The following ENOX1 variants were observed in gnomAD, a reference collection of about 807,000 sequenced individuals.
ENOX1 encodes the protein candidate growth-related and time keeping constitutive hydroquinone (NADH) oxidase.
ENOX1 carries 42 observed loss-of-function variants against 82.5 expected under a neutral mutation model. That is an observed-to-expected ratio of 0.51 (90% CI 0.40 to 0.66). The LOEUF is 0.66. Among genes scored for constraint, ENOX1 ranks in the 30% least tolerant of loss-of-function variants. The pLI, the probability that ENOX1 is intolerant of heterozygous loss-of-function variation, is 0.00. For missense variants in ENOX1, 608 were observed against 811.6 expected (o/e 0.75, Z 3.05); for synonymous variants, 271 against 282.2 (o/e 0.96, Z 0.40).
intron 1 of ENOX1, among the ~76,000 whole-genome samples, chr13:43,715,243 C>T (rs1349615701): frequency 6.6e-6 from 1 of 152,246 alleles, no homozygotes; most frequent in African/African-American, 2.4e-5. Context: ...TTGGCCCCCA[C>T]TGTCTTCTGG....
At chr13:43,249,688 G>A (rs1198415670) in intron 14 of ENOX1, among the ~76,000 whole-genome samples, 1 of 151,994 alleles carries the variant, frequency 6.6e-6, no homozygotes. Context: ...AGGGTTTTTT[G>A]ACCTTTCTAG....
chr13:43,744,245 T>C (rs1949906516), intron 1 of ENOX1, among the ~76,000 whole-genome samples: 1 of 152,138 alleles, frequency 6.6e-6, no homozygotes, highest in African/African-American at 2.4e-5. Context: ...TTTCTCATAC[T>C]TTTCAGGGCT....
chr13:43,699,302 T>A (rs1482219454), intron 1 of ENOX1, among the ~76,000 whole-genome samples: 1 of 152,176 alleles, frequency 6.6e-6, no homozygotes. Context: ...GGAGTCTGAT[T>A]TGGTGCTCTA....
intron 1 of ENOX1, among the ~76,000 whole-genome samples, chr13:43,672,942 CA>C (rs1226320840): frequency 6.6e-6 from 1 of 151,928 alleles, no homozygotes; most frequent in Non-Finnish European, 1.5e-5. Context: ...AAAGTAGGGA[CA>C]AAAAAGTCTC....
At chr13:43,367,865 TAC>T in intron 5 of ENOX1, among the ~76,000 whole-genome samples, 1 of 152,196 alleles carries the variant, frequency 6.6e-6, no homozygotes, top group East Asian at 1.9e-4. Flanking sequence ...ATCCCCAAAA[TAC>T]ACTTATTGGG....
intron 15 of ENOX1, among the ~76,000 whole-genome samples, chr13:43,232,397 T>C (rs1432540124): frequency 6.6e-6 from 1 of 152,240 alleles, no homozygotes; most frequent in African/African-American, 2.4e-5. Context: ...TCATTCTTTA[T>C]GGTCAGTAGT....
At chr13:43,309,836 T>TG (rs200545850) in intron 11 of ENOX1, among the ~76,000 whole-genome samples, 1,885 of 15,654 alleles carry the variant, frequency 0.12, 29 homozygotes, top group Admixed American at 0.18. Context: ...CTTTGTTCAT[T>TG]AAAATTTGTT....
intron 1 of ENOX1, among the ~76,000 whole-genome samples, chr13:43,774,164 T>C (rs1304073647): frequency 6.6e-6 from 1 of 152,178 alleles, no homozygotes; most frequent in African/African-American, 2.4e-5. Flanking sequence ...AAACTCTCTC[T>C]TCATGCCACA....
intron 2 of ENOX1, among the ~76,000 whole-genome samples, chr13:43,617,046 A>G (rs991294982): frequency 7.2e-5 from 11 of 152,202 alleles, no homozygotes; most frequent in Non-Finnish European, 1.5e-4. Context: ...TGAGAGTTAC[A>G]TGTGAGTGTA....
Position 43,392,216 on chromosome 13 carries a change from T to A in ENOX1, c.208+19700A>T, listed in dbSNP as rs1375280194. ...CATTGTATTATTTCCTTTATAGTAATCATTACCATTTCTAATGATACGTTC... is the reference window on the plus strand; with the variant it reads ...CATTGTATTATTTCCTTTATAGTAAACATTACCATTTCTAATGATACGTTC... On this transcript the variant is annotated intron_variant, in intron 5 of 16. Coordinates refer to ENST00000690772, the MANE Select transcript of ENOX1 (RefSeq NM_001347969.2). Among the ~76,000 whole-genome samples the A allele has an allele frequency of 3.9e-5, 6 of 152,378 alleles. No individual in the cohort carries two copies. In the South Asian group the frequency reaches 1.2e-3, roughly 32 times the overall value.
intron 12 of ENOX1, among the ~76,000 whole-genome samples, chr13:43,280,181 A>G (rs1320875266): frequency 6.6e-6 from 1 of 152,232 alleles, no homozygotes; most frequent in Non-Finnish European, 1.5e-5. Flanking sequence ...TCAAATAAGA[A>G]CTTGATGGAA....
intron 14 of ENOX1, among the ~76,000 whole-genome samples, chr13:43,260,127 T>C (rs537623232): frequency 6.6e-6 from 1 of 152,344 alleles, no homozygotes; most frequent in Admixed American, 6.5e-5. Context: ...TGGTTAATGA[T>C]AGCCTTCTGC....
At chr13:43,492,093 A>G (rs1225428153) in intron 2 of ENOX1, among the ~76,000 whole-genome samples, 1 of 152,212 alleles carries the variant, frequency 6.6e-6, no homozygotes, top group Non-Finnish European at 1.5e-5. Flanking sequence ...CTGATCAGCT[A>G]CTACTTTGTG....
chr13:43,779,882 C>A (rs987437554), intron 1 of ENOX1, among the ~76,000 whole-genome samples: 1 of 152,086 alleles, frequency 6.6e-6, no homozygotes, highest in Non-Finnish European at 1.5e-5. Context: ...TGAGGCCGGG[C>A]GTGGTGGCTC....
intron 2 of ENOX1, among the ~76,000 whole-genome samples, chr13:43,593,775 G>A (rs2153726941): frequency 6.6e-6 from 1 of 150,504 alleles, no homozygotes; most frequent in Non-Finnish European, 1.5e-5. Context: ...GAAAGTCTTG[G>A]AGTAAATATT....
chr13:43,475,794 C>CAAAAAAAAAA (rs10624980), intron 3 of ENOX1, among the ~76,000 whole-genome samples: 13 of 70,920 alleles, frequency 1.8e-4, no homozygotes, highest in South Asian at 6.8e-4. Context: ...CATAACTGAC[C>CAAAAAAAAAA]AAAAAAAAAA....
chr13:43,744,030 T>C (rs920122537), intron 1 of ENOX1, among the ~76,000 whole-genome samples: 2 of 152,148 alleles, frequency 1.3e-5, no homozygotes, highest in African/African-American at 4.8e-5. Flanking sequence ...TCTAATCACC[T>C]CTTAAAGATC....
In ENOX1 at chr13:43,415,722, G is replaced by A. The variant is rs187252598; in HGVS notation, c.-74-2734C>T. Among the ~76,000 whole-genome samples the A allele has an allele frequency of 1.1e-4, 16 of 151,812 alleles. No homozygotes were observed. The East Asian group carries it at 2.3e-3, about 22-fold the overall frequency. On this transcript the variant is annotated intron_variant, in intron 3 of 16. Transcript: ENST00000690772. ...TCCCCCTTTTCTTTTTGACAAAACC[G>A]CCATTGTCATCATGGCCCATTCTCG...
intron 2 of ENOX1, among the ~76,000 whole-genome samples, chr13:43,619,460 G>C (rs933936174): frequency 2.6e-5 from 4 of 151,958 alleles, no homozygotes; most frequent in Non-Finnish European, 4.4e-5. Flanking sequence ...AATCATAAAG[G>C]GGTGCTGGAT....
Sources: allele counts gnomAD v4.1 joint callset (sites outside exome capture counted in the v4.1 genomes callset), GRCh38; gene constraint gnomAD v4.1.1; transcripts MANE v1.5; gene names NCBI Gene and HGNC (gene_info 2026-07-23, HGNC 2026-07-21).